Variants in REDIC1 observed in about 807,000 individuals in gnomAD.
REDIC1 encodes the protein regulator of DNA class I crossover intermediates 1.
At chr12:39,876,072 A>C in the REDIC1 span, among the ~76,000 whole-genome samples, 3 of 152,312 alleles carry the variant, frequency 2.0e-5, no homozygotes, top group South Asian at 6.2e-4. Flanking sequence ...CAGACAAACT[A>C]TCATCTTCTT....
the REDIC1 span, chr12:39,760,344 T>C: frequency 2.6e-6 from 3 of 1,176,252 alleles, no homozygotes; most frequent in Non-Finnish European, 3.6e-6. Flanking sequence ...TTTTTTCTGG[T>C]CAGTCATGCA....
chr12:39,635,837 T>C, the REDIC1 span, among the ~76,000 whole-genome samples: 31 of 152,196 alleles, frequency 2.0e-4, no homozygotes, highest in Non-Finnish European at 4.3e-4. Flanking sequence ...ATGGTATTTA[T>C]AATATTGCTT....
chr12:39,781,126 A>T, the REDIC1 span, among the ~76,000 whole-genome samples: 1 of 152,236 alleles, frequency 6.6e-6, no homozygotes, highest in Non-Finnish European at 1.5e-5. Flanking sequence ...TTGTATAGAA[A>T]GTTCTGAAGC....
the REDIC1 span, among the ~76,000 whole-genome samples, chr12:39,734,153 T>G: frequency 6.6e-6 from 1 of 152,166 alleles, no homozygotes; most frequent in Non-Finnish European, 1.5e-5. Context: ...TTCCCTTGAC[T>G]AGGGGAGGGA....
At chr12:39,856,057 T>G in the REDIC1 span, among the ~76,000 whole-genome samples, 1 of 152,174 alleles carries the variant, frequency 6.6e-6, no homozygotes, top group African/African-American at 2.4e-5. Context: ...AGAAGTAAAC[T>G]TTGAAGAAAC....
chr12:39,776,001 C>G, the REDIC1 span, among the ~76,000 whole-genome samples: 7 of 152,174 alleles, frequency 4.6e-5, no homozygotes, highest in Admixed American at 3.9e-4. Flanking sequence ...ATTTTTGGAT[C>G]AGGAATACTG....
chr12:39,675,959 G>A, the REDIC1 span, among the ~76,000 whole-genome samples: 5 of 152,166 alleles, frequency 3.3e-5, no homozygotes, highest in African/African-American at 1.2e-4. Context: ...CAGCCCCTGT[G>A]TTCCAGATCC....
At chr12:39,728,755 G>T in the REDIC1 span, among the ~76,000 whole-genome samples, 34 of 149,522 alleles carry the variant, frequency 2.3e-4, no homozygotes, top group Non-Finnish European at 4.4e-4. Flanking sequence ...GGTAGAATTC[G>T]GCTCTGAATC....
chr12:39,808,560 T>C, the REDIC1 span, among the ~76,000 whole-genome samples: 1 of 152,172 alleles, frequency 6.6e-6, no homozygotes, highest in African/African-American at 2.4e-5. Flanking sequence ...TACATTCCCA[T>C]TAACATGATG....
At chr12:39,759,711 T>C in the REDIC1 span, 1 of 253,908 alleles carries the variant, frequency 3.9e-6, no homozygotes, top group East Asian at 9.9e-5. Flanking sequence ...TTATAAATGG[T>C]CTTAGGAAAA....
At chr12:39,873,341 T>C in the REDIC1 span, among the ~76,000 whole-genome samples, 10 of 152,342 alleles carry the variant, frequency 6.6e-5, no homozygotes, top group East Asian at 1.9e-3. Context: ...TGTAAAGTGA[T>C]GATAACAATT....
At chr12:39,672,215 G>T in the REDIC1 span, among the ~76,000 whole-genome samples, 1 of 151,954 alleles carries the variant, frequency 6.6e-6, no homozygotes, top group African/African-American at 2.4e-5. Flanking sequence ...GCAGATGCAG[G>T]GGTGTGTGGA....
At chr12:39,752,359 G>T in the REDIC1 span, among the ~76,000 whole-genome samples, 2 of 152,120 alleles carry the variant, frequency 1.3e-5, no homozygotes. Context: ...GTCCTTATGA[G>T]AATTGAATAT....
At chr12:39,824,012 A>G in the REDIC1 span, among the ~76,000 whole-genome samples, 2,298 of 152,278 alleles carry the variant, frequency 0.015, 27 homozygotes, top group Middle Eastern at 0.024. Context: ...CCTCTCATTT[A>G]TAACTGTGAT....
At chr12:39,829,894 A>G in the REDIC1 span, 1 of 617,310 alleles carries the variant, frequency 1.6e-6, no homozygotes, top group Non-Finnish European at 2.7e-6. Flanking sequence ...CTGGGTCTCC[A>G]AAAGTCTAGG....
the REDIC1 span, among the ~76,000 whole-genome samples, chr12:39,863,000 G>C: frequency 6.6e-6 from 1 of 152,080 alleles, no homozygotes; most frequent in Non-Finnish European, 1.5e-5. Flanking sequence ...AAATCACTTA[G>C]ACTATAAATA....
the REDIC1 span, among the ~76,000 whole-genome samples, chr12:39,710,819 C>T: frequency 1.6e-4 from 25 of 151,814 alleles, no homozygotes; most frequent in Middle Eastern, 3.4e-3. Context: ...AGGGCTCTGA[C>T]CATGTGTCTC....
At chr12:39,863,076 C>T in the REDIC1 span, among the ~76,000 whole-genome samples, 1 of 152,088 alleles carries the variant, frequency 6.6e-6, no homozygotes, top group African/African-American at 2.4e-5. Flanking sequence ...TTTTCATATC[C>T]ACTGACTCCC....
the REDIC1 span, among the ~76,000 whole-genome samples, chr12:39,713,237 TATATGTGTACAC>T: frequency 8.8e-5 from 10 of 113,566 alleles, no homozygotes; most frequent in Non-Finnish European, 1.6e-4. Context: ...TATACGTGTA[TATATGTGTACAC>T]ACACATACGT....
Sources: gnomAD v4.1 joint callset for allele counts (sites outside exome capture counted in the v4.1 genomes callset) on GRCh38, gnomAD v4.1.1 for gene constraint, MANE v1.5 for transcripts, NCBI Gene and HGNC (gene_info 2026-07-23, HGNC 2026-07-21) for gene names.